PLXNA4: variants seen among roughly 807,000 people sequenced by gnomAD.
The protein encoded by PLXNA4 is plexin-A4.
In PLXNA4, 44 loss-of-function variants were observed where a neutral mutation model predicts 191.8. The ratio of observed to expected loss-of-function variants is 0.23; its 90% CI spans 0.18 to 0.29. The LOEUF (loss-of-function observed/expected upper bound fraction) is 0.29. Among genes scored for constraint, PLXNA4 ranks in the 10% least tolerant of loss-of-function variants. The probability of loss-of-function intolerance (pLI) is 1.00; values close to 1 mark genes in which losing one functional copy is unlikely to be tolerated. For synonymous variants in PLXNA4, 1,082 were observed against 1,009.5 expected (o/e 1.07, Z -1.36); for missense variants, 1,800 against 2,488.8 (o/e 0.72, Z 5.89).
At chr7:132,375,120 A>T (rs1218756853) in intron 3 of PLXNA4, among the ~76,000 whole-genome samples, 1 of 152,200 alleles carries the variant, frequency 6.6e-6, no homozygotes, top group South Asian at 2.1e-4. Context: ...TCCAAGACAG[A>T]CACTTTAGCT....
chr7:132,634,991 GA>G lies in PLXNA4; in HGVS notation c.-87+10936del, dbSNP rs1563200250. Among the ~76,000 whole-genome samples the G allele has an allele frequency of 2.6e-5, 4 of 152,094 alleles. No homozygotes were observed. In the East Asian group the frequency reaches 5.8e-4, roughly 22 times the overall value. ...AAGGCAGAAAAACGAGAAAAGACGA[GA>G]CTGGCCTAGCCTCCCAGCCTACATC... On this transcript the variant is annotated intron_variant, in intron 2 of 4. Transcript: ENST00000378539.
intron 9 of PLXNA4, among the ~76,000 whole-genome samples, chr7:132,212,769 A>C (rs1191378300): frequency 6.6e-6 from 1 of 152,218 alleles, no homozygotes; most frequent in African/African-American, 2.4e-5. Context: ...ATGGACCAGC[A>C]GTGGAGCCTT....
intron 1 of PLXNA4, among the ~76,000 whole-genome samples, chr7:132,537,450 C>T (rs1799893863): frequency 1.3e-5 from 2 of 152,248 alleles, no homozygotes; most frequent in Admixed American, 6.5e-5. Flanking sequence ...AGCCTTAATC[C>T]TCTAAGTCCA....
chr7:132,171,370 T>C (rs1641918260), intron 21 of PLXNA4, among the ~76,000 whole-genome samples: 1 of 152,190 alleles, frequency 6.6e-6, no homozygotes, highest in Non-Finnish European at 1.5e-5. Flanking sequence ...CCAAACTTGT[T>C]TGGCTCCCAA....
intron 1 of PLXNA4, among the ~76,000 whole-genome samples, chr7:132,511,135 C>T (rs555050344): frequency 1.0e-3 from 152 of 152,296 alleles, no homozygotes; most frequent in African/African-American, 3.6e-3. Context: ...GGCTCAACAA[C>T]TGTTTCTTGA....
At chr7:132,233,901 G>A (rs548721013) in intron 5 of PLXNA4, among the ~76,000 whole-genome samples, 50 of 144,570 alleles carry the variant, frequency 3.5e-4, no homozygotes, top group Non-Finnish European at 4.7e-4. Context: ...GTAAATGTTC[G>A]TTTTTTTCCA....
intron 1 of PLXNA4, among the ~76,000 whole-genome samples, chr7:132,574,634 T>C (rs540850286): frequency 6.6e-6 from 1 of 152,290 alleles, no homozygotes; most frequent in Admixed American, 6.5e-5. Flanking sequence ...GTCTCTCCAT[T>C]GTGAGAGATT....
At chr7:132,620,760 G>A (rs911891623) in intron 2 of PLXNA4, among the ~76,000 whole-genome samples, 20 of 152,072 alleles carry the variant, frequency 1.3e-4, no homozygotes, top group Admixed American at 3.9e-4. Context: ...TTCCACATCC[G>A]CTCATATAAC....
chr7:132,395,819 G>C (rs1291521373), intron 3 of PLXNA4, among the ~76,000 whole-genome samples: 2 of 152,234 alleles, frequency 1.3e-5, no homozygotes, highest in Admixed American at 6.5e-5. Flanking sequence ...GGAAACAAAT[G>C]ATGAAGCCAG....
intron 2 of PLXNA4, among the ~76,000 whole-genome samples, chr7:132,637,654 G>C (rs1213081268): frequency 6.6e-6 from 1 of 152,206 alleles, no homozygotes; most frequent in African/African-American, 2.4e-5. Flanking sequence ...GCATTGGCCT[G>C]TCCTATGCCT....
intron 3 of PLXNA4, among the ~76,000 whole-genome samples, chr7:132,407,304 T>C (rs957122062): frequency 6.6e-6 from 1 of 152,146 alleles, no homozygotes; most frequent in Non-Finnish European, 1.5e-5. Flanking sequence ...TGGATCATCA[T>C]AGTAGCCAAA....
At chr7:132,614,373 C>G (rs996606640) in intron 2 of PLXNA4, among the ~76,000 whole-genome samples, 1 of 152,246 alleles carries the variant, frequency 6.6e-6, no homozygotes, top group African/African-American at 2.4e-5. Context: ...CAGAGGCCCT[C>G]ATACTGGACA....
At chr7:132,471,925 G>A (rs1401326603) in intron 3 of PLXNA4, among the ~76,000 whole-genome samples, 2 of 152,262 alleles carry the variant, frequency 1.3e-5, no homozygotes, top group African/African-American at 2.4e-5. Flanking sequence ...AAAATACATC[G>A]AGTGTGCTTT....
chr7:132,371,786 C>A (rs765375972), intron 3 of PLXNA4, among the ~76,000 whole-genome samples: 11 of 152,164 alleles, frequency 7.2e-5, no homozygotes, highest in Non-Finnish European at 1.2e-4. Context: ...TGCCTCCTGA[C>A]ACACAAACAC....
chr7:132,449,035 G>GGATT (rs1326861408), intron 3 of PLXNA4, among the ~76,000 whole-genome samples: 1 of 152,108 alleles, frequency 6.6e-6, no homozygotes, highest in Admixed American at 6.5e-5. Flanking sequence ...GAATTGGATT[G>GGATT]GTGGCAAACC....
chr7:132,565,160 T>C (rs1011434353), intron 1 of PLXNA4, among the ~76,000 whole-genome samples: 1 of 152,150 alleles, frequency 6.6e-6, no homozygotes, highest in African/African-American at 2.4e-5. Context: ...CACCCAACCC[T>C]TTAATATGCA....
intron 4 of PLXNA4, among the ~76,000 whole-genome samples, chr7:132,291,457 C>T (rs560699769): frequency 2.0e-5 from 3 of 152,292 alleles, no homozygotes; most frequent in South Asian, 2.1e-4. Context: ...AGGATAAGGA[C>T]TTTGCTTGTA....
intron 9 of PLXNA4, among the ~76,000 whole-genome samples, chr7:132,212,312 T>C (rs1291102035): frequency 6.6e-6 from 1 of 152,180 alleles, no homozygotes; most frequent in African/African-American, 2.4e-5. Flanking sequence ...AGGAAGCCAC[T>C]GGGAAATGGT....
chr7:132,182,171 C>T lies in PLXNA4; in HGVS notation c.3178G>A (p.Val1060Ile), dbSNP rs200738128. 6.4e-5 allele frequency: 103 copies of T among 1,613,984 alleles called. No individual in the cohort carries two copies. Among genetic ancestry groups the T allele is most frequent in the Middle Eastern group, 1.6e-4 (1 of 6,084 alleles). Residue 1060 changes from valine to isoleucine, a missense_variant, in exon 17 of 32, where the codon GTA becomes ATA. Around this residue, in one of 6 missense-constraint regions of PLXNA4, gnomAD observed 1,397 missense variants for 1,880.4 expected, o/e 0.74. Coordinates refer to ENST00000321063, the MANE Select transcript of PLXNA4 (RefSeq NM_020911.2). ...SIVSGNTPIA[V>I]WGTHLDLIQN... ...ATGAGGTCCAGGTGGGTCCCCCATA[C>T]GGCGATGGGTGTGTTTCCACTGAGC...
Sources: allele counts gnomAD v4.1 joint callset (sites outside exome capture counted in the v4.1 genomes callset), GRCh38; gene constraint gnomAD v4.1.1; regional missense constraint gnomAD v4.1.1; transcripts MANE v1.5; gene names NCBI Gene and HGNC (gene_info 2026-07-23, HGNC 2026-07-21).